The following VEPH1 variants were observed in gnomAD, a reference collection of about 807,000 sequenced individuals.
VEPH1 encodes the protein ventricular zone-expressed PH domain-containing protein homolog 1.
In VEPH1, 80 loss-of-function variants were observed where a neutral mutation model predicts 85.2. That is an observed-to-expected ratio of 0.94 (90% CI 0.78 to 1.13). The LOEUF (loss-of-function observed/expected upper bound fraction) is 1.13. Among genes scored for constraint, VEPH1 ranks in the 50% most tolerant of loss-of-function variants. The pLI is 0.00. For synonymous variants in VEPH1, 297 were observed against 348.0 expected (o/e 0.85, Z 1.63); for missense variants, 955 against 980.5 (o/e 0.97, Z 0.35).
intron 8 of VEPH1, 105 bp from the exon 9 acceptor site, chr3:157,363,866 G>A: frequency 7.5e-7 from 1 of 1,333,714 alleles, no homozygotes; most frequent in Non-Finnish European, 1.0e-6. Context: ...CCTCTGGAGT[G>A]TGAAACTATT....
intron 2 of VEPH1, among the ~76,000 whole-genome samples, chr3:157,475,593 C>T (rs908429979): frequency 6.6e-6 from 1 of 152,162 alleles, no homozygotes; most frequent in African/African-American, 2.4e-5. Flanking sequence ...GACCCGGACC[C>T]CTGTGTCATC....
At chr3:157,478,882 CAA>C (rs1194542835) in intron 2 of VEPH1, among the ~76,000 whole-genome samples, 1 of 152,080 alleles carries the variant, frequency 6.6e-6, no homozygotes, top group Non-Finnish European at 1.5e-5. Flanking sequence ...CACTTTACTA[CAA>C]AGAGATTTTT....
At chr3:157,296,958 T>C (rs146104260) in intron 11 of VEPH1, among the ~76,000 whole-genome samples, 60 of 152,276 alleles carry the variant, frequency 3.9e-4, no homozygotes, top group African/African-American at 1.3e-3. Flanking sequence ...TTGTAAACTG[T>C]GGAGAAATAA....
At chr3:157,269,130 G>T (rs1483129403) in intron 12 of VEPH1, among the ~76,000 whole-genome samples, 1 of 152,146 alleles carries the variant, frequency 6.6e-6, no homozygotes, top group Non-Finnish European at 1.5e-5. Flanking sequence ...TAAGTACATG[G>T]ATCCTTTTGG....
rs527926595 is a variant in VEPH1, at chr3:157,276,511, G to A, written c.2128+10046C>T. Reference sequence around the variant, plus strand: ...CTTCTAGGAAATAATTAGTATCTTCGTGGTAGATGACAGTAATAGGTTATA... The same window carrying A: ...CTTCTAGGAAATAATTAGTATCTTCATGGTAGATGACAGTAATAGGTTATA... On this transcript the variant is annotated intron_variant, in intron 12 of 13. Transcript: ENST00000362010. Among the ~76,000 whole-genome samples, 6 of 152,326 alleles carry A rather than the reference G, an allele frequency of 3.9e-5. No homozygotes were observed. In the South Asian group the frequency reaches 6.2e-4, roughly 16 times the overall value.
intron 6 of VEPH1, among the ~76,000 whole-genome samples, chr3:157,389,616 T>C (rs564919013): frequency 1.5e-4 from 22 of 150,916 alleles, no homozygotes; most frequent in African/African-American, 4.6e-4. Context: ...GGTAAATAGA[T>C]GGATAGGTAA....
At chr3:157,271,159 G>A (rs1413479801) in intron 12 of VEPH1, among the ~76,000 whole-genome samples, 1 of 152,160 alleles carries the variant, frequency 6.6e-6, no homozygotes, top group Admixed American at 6.5e-5. Flanking sequence ...GGCTTTCTAG[G>A]TGTAAGATCC....
intron 6 of VEPH1, among the ~76,000 whole-genome samples, chr3:157,405,118 C>T (rs781370671): frequency 1.3e-5 from 2 of 152,050 alleles, no homozygotes; most frequent in African/African-American, 2.4e-5. Flanking sequence ...ACCAGGCTGC[C>T]GATTTCTGGA....
chr3:157,476,532 C>A (rs1392546546), intron 2 of VEPH1, among the ~76,000 whole-genome samples: 1 of 152,192 alleles, frequency 6.6e-6, no homozygotes, highest in African/African-American at 2.4e-5. Context: ...CTTCTGCCCC[C>A]ACCCCAATAC....
intron 4 of VEPH1, chr3:157,437,054 A>G (rs1733649652): frequency 1.2e-6 from 2 of 1,613,864 alleles, no homozygotes; most frequent in South Asian, 2.2e-5. Flanking sequence ...ACTCCATCCC[A>G]CTGAGGACCG....
chr3:157,447,441 A>G (rs934995439), intron 4 of VEPH1, among the ~76,000 whole-genome samples: 9 of 152,128 alleles, frequency 5.9e-5, no homozygotes, highest in African/African-American at 1.7e-4. Context: ...GTTTCCTAGA[A>G]TATTTGATTA....
At chr3:157,479,419 A>G (rs1172879728) in intron 2 of VEPH1, among the ~76,000 whole-genome samples, 1 of 152,110 alleles carries the variant, frequency 6.6e-6, no homozygotes, top group Non-Finnish European at 1.5e-5. Context: ...GTTCACTCTC[A>G]CTCAACACAC....
At chr3:157,313,977 G>C (rs1049817537) in intron 10 of VEPH1, among the ~76,000 whole-genome samples, 1 of 151,862 alleles carries the variant, frequency 6.6e-6, no homozygotes, top group East Asian at 1.9e-4. Flanking sequence ...CGGGAGGATC[G>C]CTTGAGACCA....
chr3:157,273,514 A>T (rs1002981453), intron 12 of VEPH1, among the ~76,000 whole-genome samples: 1 of 152,210 alleles, frequency 6.6e-6, no homozygotes, highest in Admixed American at 6.6e-5. Context: ...CAAAGGAAGG[A>T]AGGTCATTGA....
rs547808904 is a variant in VEPH1, at chr3:157,376,189, C to T, written c.1127+4967G>A. 7.2e-5 allele frequency among the ~76,000 whole-genome samples: 11 copies of T among 152,282 alleles called. No individual in the cohort carries two copies. The South Asian group carries it at 2.1e-3, about 29-fold the overall frequency. Reference sequence around the variant, plus strand: ...TGCTTTCTCTCCACAATTTCCATCCCTCAAAGTTTCCATCCCCAACTGGGG... The same window carrying T: ...TGCTTTCTCTCCACAATTTCCATCCTTCAAAGTTTCCATCCCCAACTGGGG... On this transcript the variant is annotated intron_variant, in intron 7 of 13. Transcript: ENST00000362010.
chr3:157,442,344 T>G, intron 4 of VEPH1: 1 of 1,537,610 alleles, frequency 6.5e-7, no homozygotes, highest in Non-Finnish European at 8.9e-7. Flanking sequence ...TTAATATTCT[T>G]CTTATTTTCT....
At chr3:157,475,829 C>T (rs1467314168) in intron 2 of VEPH1, among the ~76,000 whole-genome samples, 4 of 152,222 alleles carry the variant, frequency 2.6e-5, no homozygotes, top group African/African-American at 9.6e-5. Flanking sequence ...GTCAGAGCTT[C>T]AGCCATGCAC....
At chr3:157,312,752 A>C (rs1446425255) in intron 11 of VEPH1, among the ~76,000 whole-genome samples, 1 of 152,034 alleles carries the variant, frequency 6.6e-6, no homozygotes, top group East Asian at 1.9e-4. Context: ...TTTCTTAGTC[A>C]CTGTGCTTCT....
chr3:157,368,883 A>G (rs1385035431), intron 7 of VEPH1, among the ~76,000 whole-genome samples: 1 of 152,112 alleles, frequency 6.6e-6, no homozygotes, highest in Non-Finnish European at 1.5e-5. Flanking sequence ...AAAAATACTA[A>G]GAAATTATTT....
Sources: allele counts gnomAD v4.1 joint callset (sites outside exome capture counted in the v4.1 genomes callset), GRCh38; gene constraint gnomAD v4.1.1; transcripts MANE v1.5; gene names NCBI Gene and HGNC (gene_info 2026-07-23, HGNC 2026-07-21).